Variants in PUDP observed in about 807,000 individuals in gnomAD.
The protein encoded by PUDP is pseudouridine-5'-phosphatase.
In PUDP, 8 loss-of-function variants were observed where a neutral mutation model predicts 9.4. The ratio of observed to expected loss-of-function variants is 0.85; its 90% CI spans 0.50 to 1.53. PUDP has a LOEUF of 1.53. PUDP is among the 40% of genes most tolerant of loss of function. The pLI is 0.00. For synonymous variants in PUDP, 99 were observed against 80.7 expected (o/e 1.23, Z -1.22); for missense variants, 188 against 189.7 (o/e 0.99, Z 0.05).
chrX:6,908,340 TC>T (rs1927798858), intron 3 of PUDP, among the ~76,000 whole-genome samples: 1 of 112,464 alleles, frequency 8.9e-6, no homozygotes, highest in Non-Finnish European at 1.9e-5. Context: ...GCCCCTCTTT[TC>T]TGATGCCAAT....
downstream of PUDP, among the ~76,000 whole-genome samples, chrX:7,047,154 G>C (rs1569144893): frequency 8.9e-6 from 1 of 111,876 alleles, no homozygotes; most frequent in Non-Finnish European, 1.9e-5. Flanking sequence ...AATTAAATCG[G>C]AACAGGTAAC....
chrX:7,034,427 A>C (rs1187225155), intron 1 of PUDP, among the ~76,000 whole-genome samples: 1 of 111,963 alleles, frequency 8.9e-6, no homozygotes, highest in Non-Finnish European at 1.9e-5. Context: ...AGAAGTATTC[A>C]TCATGCAACT....
chrX:7,073,710 C>T (rs1930812616), intron 3 of PUDP, among the ~76,000 whole-genome samples: 1 of 112,924 alleles, frequency 8.9e-6, no homozygotes, highest in South Asian at 3.6e-4. Flanking sequence ...ACAATATGCA[C>T]ATCACAGGAG....
intron 1 of PUDP, among the ~76,000 whole-genome samples, chrX:6,710,815 C>T (rs1413441872): frequency 8.9e-6 from 1 of 111,773 alleles, no homozygotes; most frequent in Non-Finnish European, 1.9e-5. Context: ...TTTTGATTAT[C>T]CAATTTCCTC....
intron 3 of PUDP, among the ~76,000 whole-genome samples, chrX:6,859,389 T>C (rs1926963197): frequency 9.0e-6 from 1 of 111,602 alleles, no homozygotes; most frequent in Non-Finnish European, 1.9e-5. Flanking sequence ...TGGTCATTCC[T>C]GGACATAAGT....
At chrX:6,882,792 C>T (rs1021468669) in intron 3 of PUDP, among the ~76,000 whole-genome samples, 3 of 111,019 alleles carry the variant, frequency 2.7e-5, no homozygotes, top group Non-Finnish European at 5.7e-5. Flanking sequence ...AAGGAGCAGC[C>T]GGGGCAAGAG....
intron 1 of PUDP, among the ~76,000 whole-genome samples, chrX:7,111,925 G>A (rs1425588546): frequency 9.1e-6 from 1 of 109,765 alleles, no homozygotes; most frequent in Non-Finnish European, 1.9e-5. Context: ...TAACAGCAAC[G>A]CTCCAGTAAG....
intron 3 of PUDP, among the ~76,000 whole-genome samples, chrX:6,858,899 GAAT>G (rs1229002004): frequency 2.7e-5 from 3 of 111,736 alleles, no homozygotes; most frequent in African/African-American, 9.8e-5. Context: ...GGTTGCAACA[GAAT>G]AATACCTGAT....
At chrX:6,932,942 T>C (rs1221760450) in intron 3 of PUDP, among the ~76,000 whole-genome samples, 3 of 110,231 alleles carry the variant, frequency 2.7e-5, no homozygotes, top group East Asian at 2.9e-4. Flanking sequence ...TGCCCAGGCT[T>C]GCTTAGGTAA....
chrX:6,999,505 C>T (rs1390102372), intron 1 of PUDP, among the ~76,000 whole-genome samples: 1 of 111,547 alleles, frequency 9.0e-6, no homozygotes, highest in African/African-American at 3.3e-5. Context: ...GAAAATTGAC[C>T]ACTTATTAGT....
At chrX:7,033,522 A>G (rs1259504472) in intron 1 of PUDP, among the ~76,000 whole-genome samples, 4 of 112,621 alleles carry the variant, frequency 3.6e-5, no homozygotes, top group Non-Finnish European at 7.5e-5. Context: ...TGTAAAAGAC[A>G]GGAAAATTGA....
At chrX:7,077,568 A>G (rs367813445) in intron 2 of PUDP, 119 bp from the exon 3 acceptor site, 8 of 526,532 alleles carry the variant, frequency 1.5e-5, no homozygotes, top group African/African-American at 1.2e-4. Context: ...CTTTTGAGGA[A>G]TTTCTGACCT....
chrX:7,038,596 G>T (rs1929882716), intron 1 of PUDP, among the ~76,000 whole-genome samples: 1 of 111,439 alleles, frequency 9.0e-6, no homozygotes, highest in South Asian at 3.8e-4. Context: ...AAAGAACAGG[G>T]ATTCTTCCCA....
chrX:6,814,181 T>C (rs751677998), intron 3 of PUDP, among the ~76,000 whole-genome samples: 1 of 111,612 alleles, frequency 9.0e-6, no homozygotes, highest in African/African-American at 3.3e-5. Context: ...ACCAGGTTTC[T>C]TTTTTACTGA....
At chrX:7,002,563 C>T (rs1211316646) in intron 1 of PUDP, among the ~76,000 whole-genome samples, 1 of 111,299 alleles carries the variant, frequency 9.0e-6, no homozygotes, top group Non-Finnish European at 1.9e-5. Flanking sequence ...AATGGGTGAG[C>T]TTCAAGGAGA....
intron 3 of PUDP, among the ~76,000 whole-genome samples, chrX:6,864,951 C>T (rs974930029): frequency 9.0e-6 from 1 of 111,521 alleles, no homozygotes; most frequent in African/African-American, 3.3e-5. Context: ...CAAAGGTCCT[C>T]GTAATTAAGA....
intron 3 of PUDP, among the ~76,000 whole-genome samples, chrX:6,833,823 T>C (rs1472301370): frequency 8.9e-6 from 1 of 112,185 alleles, no homozygotes; most frequent in East Asian, 2.8e-4. Flanking sequence ...CTTGCAAAGA[T>C]CAAATAGCTA....
At chrX:6,759,096 C>T (rs1248156811) in intron 3 of PUDP, among the ~76,000 whole-genome samples, 2 of 111,946 alleles carry the variant, frequency 1.8e-5, no homozygotes, top group Non-Finnish European at 3.8e-5. Context: ...CAGTCTCTGA[C>T]AAACATAGCA....
chrX:7,124,662 T>C (rs1406482220), intron 1 of PUDP, among the ~76,000 whole-genome samples: 1 of 111,372 alleles, frequency 9.0e-6, no homozygotes, highest in Non-Finnish European at 1.9e-5. Flanking sequence ...TTGGCTATCT[T>C]GTTGCCAAGT....
Sources: allele counts gnomAD v4.1 joint callset (sites outside exome capture counted in the v4.1 genomes callset), GRCh38; gene constraint gnomAD v4.1.1; transcripts MANE v1.5; gene names NCBI Gene and HGNC (gene_info 2026-07-23, HGNC 2026-07-21).